Variants in FNDC3B observed in about 807,000 individuals in gnomAD.
FNDC3B encodes fibronectin type III domain containing 3B.
In FNDC3B, 12 loss-of-function variants were observed where a neutral mutation model predicts 151.5. The observed-to-expected ratio is 0.08, with a 90% CI of 0.05 to 0.13. FNDC3B has a LOEUF of 0.13. FNDC3B is among the 10% of genes least tolerant of loss of function. The pLI, the probability that FNDC3B is intolerant of heterozygous loss-of-function variation, is 1.00. For synonymous variants in FNDC3B, 528 were observed against 549.0 expected (o/e 0.96, Z 0.54); for missense variants, 1,214 against 1,505.3 (o/e 0.81, Z 3.20).
intron 1 of FNDC3B, among the ~76,000 whole-genome samples, chr3:172,074,766 A>AC (rs1356361815): frequency 6.6e-6 from 1 of 152,220 alleles, no homozygotes; most frequent in Admixed American, 6.5e-5. Context: ...GTTAGTGGCC[A>AC]CAGTCACATG....
At chr3:172,217,783 T>C (rs973142339) in intron 3 of FNDC3B, among the ~76,000 whole-genome samples, 1 of 152,174 alleles carries the variant, frequency 6.6e-6, no homozygotes, top group African/African-American at 2.4e-5. Context: ...CCCCGGTCTT[T>C]CTATTCCTGA....
chr3:172,136,266 AG>A (rs1410272567), intron 3 of FNDC3B, among the ~76,000 whole-genome samples: 1 of 152,234 alleles, frequency 6.6e-6, no homozygotes, highest in Non-Finnish European at 1.5e-5. Flanking sequence ...GATGGTTTGC[AG>A]AACAAAAGTG....
chr3:172,386,755 A>G (rs1328191188), intron 25 of FNDC3B, among the ~76,000 whole-genome samples: 5 of 148,992 alleles, frequency 3.4e-5, no homozygotes, highest in African/African-American at 1.3e-4. Context: ...AAAGAAAAAA[A>G]AAAGAAAAAA....
At chr3:172,375,924 A>G (rs1333977501) in intron 23 of FNDC3B, among the ~76,000 whole-genome samples, 3 of 152,136 alleles carry the variant, frequency 2.0e-5, no homozygotes, top group Non-Finnish European at 4.4e-5. Context: ...AAATAAGGTG[A>G]TTGAACTGTA....
At chr3:172,313,329 T>A (rs1731615455) in intron 11 of FNDC3B, among the ~76,000 whole-genome samples, 1 of 152,180 alleles carries the variant, frequency 6.6e-6, no homozygotes, top group South Asian at 2.1e-4. Flanking sequence ...GAAATATGGG[T>A]TCTGTTCTGA....
At chr3:172,175,352 G>A (rs532314281) in intron 3 of FNDC3B, among the ~76,000 whole-genome samples, 9 of 152,080 alleles carry the variant, frequency 5.9e-5, no homozygotes, top group Non-Finnish European at 1.2e-4. Flanking sequence ...TTTTTCCTCA[G>A]GATTTTATAG....
At chr3:172,219,219 T>A (rs1043551607) in intron 3 of FNDC3B, among the ~76,000 whole-genome samples, 1 of 152,216 alleles carries the variant, frequency 6.6e-6, no homozygotes, top group African/African-American at 2.4e-5. Flanking sequence ...GTGCCTGAAA[T>A]GCCTTCTTGT....
chr3:172,340,226 A>G (rs1328277167), intron 16 of FNDC3B, among the ~76,000 whole-genome samples: 2 of 151,726 alleles, frequency 1.3e-5, no homozygotes, highest in Non-Finnish European at 2.9e-5. Flanking sequence ...CAAAGCGGTC[A>G]GATCACTTGG....
At chr3:172,050,713 G>A (rs1465542335) in intron 1 of FNDC3B, among the ~76,000 whole-genome samples, 1 of 149,456 alleles carries the variant, frequency 6.7e-6, no homozygotes, top group Non-Finnish European at 1.5e-5. Context: ...GTGTGTGTGT[G>A]TGTGTGTGTG....
At chr3:172,123,497 T>C (rs1488111595) in intron 2 of FNDC3B, among the ~76,000 whole-genome samples, 1 of 152,170 alleles carries the variant, frequency 6.6e-6, no homozygotes, top group Non-Finnish European at 1.5e-5. Flanking sequence ...TCACTGAGCA[T>C]GTTACTGTCT....
At chr3:172,081,491 G>A (rs1718277410) in intron 1 of FNDC3B, among the ~76,000 whole-genome samples, 1 of 151,240 alleles carries the variant, frequency 6.6e-6, no homozygotes, top group African/African-American at 2.4e-5. Context: ...AATTATTATG[G>A]GTACATAATA....
intron 1 of FNDC3B, among the ~76,000 whole-genome samples, chr3:172,043,251 A>T (rs1576811616): frequency 6.6e-6 from 1 of 152,204 alleles, no homozygotes; most frequent in South Asian, 2.1e-4. Context: ...TTTAAACTTA[A>T]ATTTCCACTT....
Position 172,173,850 on chromosome 3 carries a change from T to G in FNDC3B, c.187+40304T>G, listed in dbSNP as rs530783703. On this transcript the variant is annotated intron_variant, in intron 3 of 25. Transcript: ENST00000415807. The stretch of plus-strand genomic sequence containing the variant: ...GGGGTGGGGCGCGGGGTGGGAAGCC[T>G]CCCGATGTCCTAGGAATAGAAGGCT... 7.2e-5 allele frequency among the ~76,000 whole-genome samples: 11 copies of G among 151,978 alleles called. No homozygotes were observed. In the South Asian group the frequency reaches 2.3e-3, roughly 32 times the overall value.
At chr3:172,204,908 G>C (rs940774891) in intron 3 of FNDC3B, among the ~76,000 whole-genome samples, 1 of 152,208 alleles carries the variant, frequency 6.6e-6, no homozygotes, top group Non-Finnish European at 1.5e-5. Context: ...GGCATGCACA[G>C]GACACTTACC....
chr3:172,244,178 T>C (rs1464779451), intron 4 of FNDC3B, among the ~76,000 whole-genome samples: 3 of 152,208 alleles, frequency 2.0e-5, no homozygotes, highest in Non-Finnish European at 4.4e-5. Context: ...ACATAGTATG[T>C]GTCAGGAAAT....
At chr3:172,215,991 T>C (rs1412374697) in intron 3 of FNDC3B, among the ~76,000 whole-genome samples, 1 of 148,448 alleles carries the variant, frequency 6.7e-6, no homozygotes, top group Non-Finnish European at 1.5e-5. Flanking sequence ...GAACTCCGTC[T>C]TGAGTTTGTT....
intron 3 of FNDC3B, among the ~76,000 whole-genome samples, chr3:172,214,547 T>TC (rs1725884935): frequency 6.6e-6 from 1 of 152,212 alleles, no homozygotes; most frequent in South Asian, 2.1e-4. Flanking sequence ...TGACTCTGTT[T>TC]TATGGAATAT....
At chr3:172,186,845 T>C in intron 3 of FNDC3B, 1 of 659,488 alleles carries the variant, frequency 1.5e-6, no homozygotes, top group South Asian at 1.7e-5. Flanking sequence ...GGTGTGGCTT[T>C]TCAATGTCTG....
chr3:172,143,908 AAAAT>A (rs60080346), intron 3 of FNDC3B, among the ~76,000 whole-genome samples: 43,780 of 141,794 alleles, frequency 0.31, 7,362 homozygotes, highest in African/African-American at 0.45. Context: ...CCTCCATCTC[AAAAT>A]AAATAAATAA....
Sources: gnomAD v4.1 joint callset for allele counts (sites outside exome capture counted in the v4.1 genomes callset) on GRCh38, gnomAD v4.1.1 for gene constraint, MANE v1.5 for transcripts, NCBI Gene and HGNC (gene_info 2026-07-23, HGNC 2026-07-21) for gene names.